The following CPNE7 variants were observed in gnomAD, a reference collection of about 807,000 sequenced individuals.
The protein encoded by CPNE7 is copine 7, also known as copine-7.
In CPNE7, 78 loss-of-function variants were observed where a neutral mutation model predicts 66.5. The observed-to-expected ratio is 1.17, with a 90% CI of 0.98 to 1.42. The LOEUF is 1.42. Among genes scored for constraint, CPNE7 ranks in the 40% most tolerant of loss-of-function variants. The probability of loss-of-function intolerance (pLI) is 0.00; values close to 1 mark genes in which losing one functional copy is unlikely to be tolerated. For missense variants in CPNE7, 1,012 were observed against 776.6 expected (o/e 1.30, Z -3.60); for synonymous variants, 468 against 336.7 (o/e 1.39, Z -4.27).
chr16:89,578,923 C>T (rs1378230710), intron 2 of CPNE7: 3 of 1,613,826 alleles, frequency 1.9e-6, no homozygotes, highest in Admixed American at 1.7e-5. Flanking sequence ...CCCTGCTGGA[C>T]ACTGCGCTAA....
rs1158665157 is a variant in CPNE7 at position 89,597,156 on chromosome 16, CATGGGGTCT to C, written c.*536_*544del. 1 of 152,932 alleles carries C rather than the reference CATGGGGTCT, an allele frequency of 6.5e-6. No individual in the cohort carries two copies. The highest frequency in any genetic ancestry group is 1.4e-5 in the Non-Finnish European group (1 of 69,028). 9.5% of individuals were successfully genotyped at this position (152,932 alleles called of 1,614,324 possible). A position where few individuals can be genotyped will look rare whatever the true frequency, so the allele number is the denominator to read the frequency against. ...GCCGTCGGGCCTCTGCACCTGGGTC[CATGGGGTCT>C]GCGGGGTCTGCGGGGTCTGCCTGGC... On this transcript the variant is annotated 3_prime_UTR_variant, in exon 15 of 15. Transcript: ENST00000319518.
At chr16:89,590,375 A>T (rs1377481070) in intron 11 of CPNE7, among the ~76,000 whole-genome samples, 1 of 151,954 alleles carries the variant, frequency 6.6e-6, no homozygotes, top group Non-Finnish European at 1.5e-5. Context: ...AAATACAAAA[A>T]TTAGCTGGGC....
intron 7 of CPNE7, among the ~76,000 whole-genome samples, 199 bp downstream of exon 7, chr16:89,585,984 T>TG (rs1241594333): frequency 4.0e-5 from 3 of 75,288 alleles, no homozygotes; most frequent in African/African-American, 1.6e-4. Flanking sequence ...GGGGGGCCTT[T>TG]GGGGAGGTTC....
At chr16:89,587,504 T>A in intron 9 of CPNE7, 1 of 451,096 alleles carries the variant, frequency 2.2e-6, no homozygotes. Flanking sequence ...CAAGCCCGCC[T>A]TGGGAGGTGA....
rs200261865 is a variant in CPNE7, at chr16:89,584,867, C to T, written c.591+10C>T. The T allele has an allele frequency of 7.5e-5, 121 of 1,611,754 alleles. 1 individual carries two copies. Among genetic ancestry groups the T allele is most frequent in the Non-Finnish European group, 8.7e-5 (103 of 1,178,808 alleles). On this transcript the variant is annotated intron_variant, in intron 5 of 14. Coordinates refer to ENST00000319518, the MANE Select transcript of CPNE7 (RefSeq NM_153636.3). The surrounding 1 kb of genome is among the most constrained non-coding windows in gnomAD (Gnocchi z 6.0). ...GGTGTACAGGACGGAGGTGAGCGGCCGGGGATGGGAACACAGGGAGGGGAA... is the reference window on the plus strand; with the variant it reads ...GGTGTACAGGACGGAGGTGAGCGGCTGGGGATGGGAACACAGGGAGGGGAA...
chr16:89,575,787 G>A lies in CPNE7; in HGVS notation c.-111G>A, dbSNP rs1195055878. 9 of 817,982 alleles carry A rather than the reference G, an allele frequency of 1.1e-5. No individual in the cohort carries two copies. The highest frequency in any genetic ancestry group is 1.3e-5 in the Non-Finnish European group (9 of 667,956). 50.7% of individuals were successfully genotyped at this position (817,982 alleles called of 1,614,324 possible). On this transcript the variant is annotated 5_prime_UTR_variant, in exon 1 of 15. Transcript: ENST00000319518. ...GCGCCCGCGCCCGGCAGGCGTTCAG[G>A]GAAGCGCGGCCACGCCTGGGCCGGC...
intron 8 of CPNE7, 48 bp from the exon 9 acceptor site, chr16:89,586,995 G>A (rs1263271031): frequency 6.5e-7 from 1 of 1,542,154 alleles, no homozygotes; most frequent in South Asian, 1.2e-5. Flanking sequence ...GCTGGCACTG[G>A]CCTCAGTGTC....
intron 13 of CPNE7, 131 bp downstream of exon 13, chr16:89,591,391 G>A (rs1298997897): frequency 7.7e-7 from 1 of 1,297,596 alleles, no homozygotes; most frequent in African/African-American, 1.5e-5. Flanking sequence ...ACAGAGCTCA[G>A]GAGGGCGGGG....
At chr16:89,589,838 G>T in intron 10 of CPNE7, 59 bp from the exon 11 acceptor site, 2 of 1,587,302 alleles carry the variant, frequency 1.3e-6, no homozygotes, top group Non-Finnish European at 1.7e-6. Flanking sequence ...CCTAGAAGTG[G>T]CCCCTGTTGC....
At chr16:89,591,337 G>C in intron 13 of CPNE7, 77 bp downstream of exon 13, 1 of 1,454,488 alleles carries the variant, frequency 6.9e-7, no homozygotes, top group South Asian at 1.4e-5. Context: ...CGTCAGGGAG[G>C]CACCTGGCAG....
intron 2 of CPNE7, 106 bp downstream of exon 2, chr16:89,577,827 C>T: frequency 9.7e-7 from 1 of 1,030,918 alleles, no homozygotes; most frequent in East Asian, 2.6e-5. Context: ...GGGTGGCCAA[C>T]CTGGCTCTGC....
At position 89,584,733 on chromosome 16, in the gene CPNE7, C is replaced by T. The variant is rs776690752; in HGVS notation, c.508-41C>T. The T allele has an allele frequency of 6.7e-7, 1 of 1,502,100 alleles. No homozygotes were observed. Among genetic ancestry groups the T allele is most frequent in the Admixed American group, 1.7e-5 (1 of 58,646 alleles). The allele number at this position is 1,502,100 out of a possible 1,614,324, so 93.0% of individuals were successfully genotyped here. ...AGCCAGCTCCCATCCAAAGCCCGATCTCACAGTGCCTGGCCCAGCAGCCCT... is the reference window on the plus strand; with the variant it reads ...AGCCAGCTCCCATCCAAAGCCCGATTTCACAGTGCCTGGCCCAGCAGCCCT... On this transcript the variant is annotated intron_variant, in intron 4 of 14. Coordinates refer to ENST00000319518, the MANE Select transcript of CPNE7 (RefSeq NM_153636.3). The surrounding 1 kb of genome is among the most constrained non-coding windows in gnomAD (Gnocchi z 6.0).
rs1490034438 is a variant in CPNE7 at position 89,587,259 on chromosome 16, C to G, written c.927+157C>G. Among the ~76,000 whole-genome samples the G allele has an allele frequency of 1.5e-4, 2 of 13,134 alleles. 1 individual carries two copies. The highest frequency in any genetic ancestry group is 3.2e-4 in the Non-Finnish European group (2 of 6,234). 8.6% of individuals were successfully genotyped at this position (13,134 alleles called of 152,430 possible). On this transcript the variant is annotated intron_variant, in intron 9 of 14. Transcript: ENST00000319518. ...CGTGGCCCCGCCCCTCCCGCCCCCT[C>G]AGTCTGTGGCCCCGCCCATCCCCGC...
chr16:89,590,712 C>G (rs760515352), intron 11 of CPNE7, among the ~76,000 whole-genome samples: 1 of 143,382 alleles, frequency 7.0e-6, no homozygotes, highest in East Asian at 2.1e-4. Flanking sequence ...AACTCCAAGC[C>G]TACCTCTCTC....
In CPNE7 at chr16:89,587,697, ACCCCGTGTCACCCCCATAGCAC is replaced by A. The variant is rs1275890887; in HGVS notation, c.927+609_927+630del. The A allele has an allele frequency of 4.8e-4, 161 of 334,946 alleles. 3 individuals carry two copies. Among genetic ancestry groups the A allele is most frequent in the Middle Eastern group, 2.8e-3 (3 of 1,076 alleles). 20.7% of individuals were successfully genotyped at this position (334,946 alleles called of 1,614,324 possible). A position where few individuals can be genotyped will look rare whatever the true frequency, so the allele number is the denominator to read the frequency against. ...CCCCGCGTCACCCATAGATACGCAC[ACCCCGTGTCACCCCCATAGCAC>A]CCCCGTGTCACCCACAGATACACGG... On this transcript the variant is annotated intron_variant, in intron 9 of 14. Coordinates refer to ENST00000319518, the MANE Select transcript of CPNE7 (RefSeq NM_153636.3).
chr16:89,592,419 G>A (rs1476682843), intron 13 of CPNE7, among the ~76,000 whole-genome samples: 4 of 151,008 alleles, frequency 2.6e-5, no homozygotes, highest in Non-Finnish European at 5.9e-5. Context: ...CGTCTGTGTA[G>A]TTGTTGTATT....
intron 13 of CPNE7, 146 bp from the exon 14 acceptor site, chr16:89,595,221 T>C: frequency 1.6e-6 from 1 of 632,712 alleles, no homozygotes; most frequent in Non-Finnish European, 2.8e-6. Context: ...TCGTGATGTT[T>C]GTGATGTAGG....
rs2059002564 is a variant in CPNE7, at chr16:89,584,309, T to G, written c.507+207T>G. 6.6e-6 allele frequency among the ~76,000 whole-genome samples: 1 copy of G among 152,194 alleles called. No individual in the cohort carries two copies. Among genetic ancestry groups the G allele is most frequent in the South Asian group, 2.1e-4 (1 of 4,834 alleles). The stretch of plus-strand genomic sequence containing the variant: ...CTCCCGCCCCTCCTGGCAGCTGGGC[T>G]GGGGCTGGGGCAGCTCCCTCCTGTG... On this transcript the variant is annotated intron_variant, in intron 4 of 14. Coordinates refer to ENST00000319518, the MANE Select transcript of CPNE7 (RefSeq NM_153636.3). This position sits in a 1 kb window ranked among gnomAD's most constrained non-coding sequence, Gnocchi z 6.0.
At chr16:89,577,767 G>T (rs1196785205) in intron 2 of CPNE7, 46 bp downstream of exon 2, 7 of 1,537,108 alleles carry the variant, frequency 4.6e-6, no homozygotes, top group Non-Finnish European at 6.1e-6. Flanking sequence ...TTGGCGTGGG[G>T]GCCACAGCCG....
Sources: gnomAD v4.1 joint callset for allele counts (sites outside exome capture counted in the v4.1 genomes callset) on GRCh38, gnomAD v4.1.1 for gene constraint, Gnocchi (gnomAD v3.1) non-coding constraint, MANE v1.5 for transcripts, NCBI Gene and HGNC (gene_info 2026-07-23, HGNC 2026-07-21) for gene names.